The following LEAP2 variants were observed in gnomAD, a reference collection of about 807,000 sequenced individuals.
The protein encoded by LEAP2 is liver enriched antimicrobial peptide 2.
In LEAP2, 13 loss-of-function variants were observed where a neutral mutation model predicts 9.3. That is an observed-to-expected ratio of 1.39 (90% CI 0.91 to 2.21). The LOEUF is 2.21. Ranked by LOEUF, LEAP2 falls within the 30% of genes most tolerant of loss-of-function variation. LEAP2 has a pLI of 0.00. For missense variants in LEAP2, 98 were observed against 94.0 expected (o/e 1.04, Z -0.17); for synonymous variants, 34 against 34.9 (o/e 0.98, Z 0.09).
rs1216480313 is a variant in LEAP2, at chr5:132,874,751, T to C, written c.*305T>C. ...GAGGGAAAGAAGGATTCATTTTGTA[T>C]ACTAAAGAAAAAAACAGCATTGCCC... On this transcript the variant is annotated 3_prime_UTR_variant, in exon 3 of 3. Coordinates refer to ENST00000296877, the MANE Select transcript of LEAP2 (RefSeq NM_052971.3). 1 of 484,212 alleles carries C rather than the reference T, an allele frequency of 2.1e-6. No homozygotes were observed. Among genetic ancestry groups the C allele is most frequent in the Non-Finnish European group, 3.8e-6 (1 of 265,602 alleles). 30.0% of individuals were successfully genotyped at this position (484,212 alleles called of 1,614,324 possible).
Position 132,874,461 on chromosome 5 carries a change from A to C in LEAP2, c.*15A>C. ...CCCAGGAATGATGTACATACCAGGGAAAGAAAGGACAGCAGTCACCTCCGA... is the reference window on the plus strand; with the variant it reads ...CCCAGGAATGATGTACATACCAGGGCAAGAAAGGACAGCAGTCACCTCCGA... On this transcript the variant is annotated 3_prime_UTR_variant, in exon 3 of 3. Transcript: ENST00000296877. 6 of 1,611,274 alleles carry C rather than the reference A, an allele frequency of 3.7e-6. No individual in the cohort carries two copies. Among genetic ancestry groups the C allele is most frequent in the Non-Finnish European group, 5.1e-6 (6 of 1,177,422 alleles).
chr5:132,874,416 A>C lies in LEAP2; in HGVS notation c.204A>C (p.Arg68Ser), dbSNP rs1304676708. 1 of 1,613,758 alleles carries C rather than the reference A, an allele frequency of 6.2e-7. No homozygotes were observed. The highest frequency in any genetic ancestry group is 8.5e-7 in the Non-Finnish European group (1 of 1,179,772). ...SECITRLCRKRRCSLSVAQE is the reference protein window; with the variant it reads ...SECITRLCRKSRCSLSVAQE ...ACCCTTTCTTTTCCCCTAGAAAAAG[A>C]CGCTGTTCCTTAAGTGTGGCCCAGG... is the stretch of plus-strand genomic sequence containing the variant. Residue 68 changes from arginine to serine, a missense_variant, in exon 3 of 3, where the codon AGA becomes AGC. Physicochemically the swap from Arg to Ser is moderately radical, Grantham distance 110. Transcript: ENST00000296877.
Position 132,874,624 on chromosome 5 carries a change from A to G in LEAP2, c.*178A>G. ...CCATTTCTTCTTAGAATGTTGATAT[A>G]TGGATAAGCATAACTAAACTTGTCA... On this transcript the variant is annotated 3_prime_UTR_variant, in exon 3 of 3. Transcript: ENST00000296877. The G allele has an allele frequency of 1.4e-6, 1 of 697,122 alleles. No homozygotes were observed. The highest frequency in any genetic ancestry group is 2.6e-6 in the Non-Finnish European group (1 of 381,514). The allele number at this position is 697,122 out of a possible 1,614,324, so 43.2% of individuals were successfully genotyped here.
chr5:132,874,171 C>G (rs1465006782), intron 2 of LEAP2, 82 bp downstream of exon 2: 14 of 1,439,018 alleles, frequency 9.7e-6, no homozygotes, highest in Non-Finnish European at 6.7e-6. Context: ...ACACATGAAC[C>G]TAAGAATAAA....
At chr5:132,874,181 A>T in intron 2 of LEAP2, 92 bp downstream of exon 2, 2 of 1,391,110 alleles carry the variant, frequency 1.4e-6, no homozygotes, top group African/African-American at 2.9e-5. Context: ...CTAAGAATAA[A>T]GCTGGGATGG....
intron 2 of LEAP2, 86 bp from the exon 3 acceptor site, chr5:132,874,324 C>T: frequency 8.2e-7 from 1 of 1,224,746 alleles, no homozygotes; most frequent in South Asian, 1.2e-5. Context: ...CTGGACAGAT[C>T]AAGCAAAGAG....
chr5:132,874,096 C>T lies in LEAP2; in HGVS notation c.197+7C>T. ...GTATCACAAGGCTATGCAGGTACTC[C>T]CTGAACCTGGGAGCAGGGTTGGGCC... is the stretch of plus-strand genomic sequence containing the variant. On this transcript the variant is annotated splice_region_variant and intron_variant, in intron 2 of 2. Transcript: ENST00000296877. 1 of 1,609,358 alleles carries T rather than the reference C, an allele frequency of 6.2e-7. No homozygotes were observed. The highest frequency in any genetic ancestry group is 1.1e-5 in the South Asian group (1 of 90,876).
rs1759787065 is a variant in LEAP2 at position 132,874,392 on chromosome 5, C to A, written c.198-18C>A. ...TCCTAGACCCAGTCTTAAAAAACTA[C>A]CCTTTCTTTTCCCCTAGAAAAAGAC... On this transcript the variant is annotated intron_variant, in intron 2 of 2. Transcript: ENST00000296877. 3 of 1,611,262 alleles carry A rather than the reference C, an allele frequency of 1.9e-6. No individual in the cohort carries two copies. Among genetic ancestry groups the A allele is most frequent in the South Asian group, 2.2e-5 (2 of 91,050 alleles).
Position 132,874,098 on chromosome 5 carries a change from T to G in LEAP2, c.197+9T>G, listed in dbSNP as rs750384221. Reference sequence around the variant, plus strand: ...ATCACAAGGCTATGCAGGTACTCCCTGAACCTGGGAGCAGGGTTGGGCCAG... The same window carrying G: ...ATCACAAGGCTATGCAGGTACTCCCGGAACCTGGGAGCAGGGTTGGGCCAG... On this transcript the variant is annotated intron_variant, in intron 2 of 2. Transcript: ENST00000296877. 1 of 1,608,998 alleles carries G rather than the reference T, an allele frequency of 6.2e-7. No individual in the cohort carries two copies. The highest frequency in any genetic ancestry group is 1.1e-5 in the South Asian group (1 of 90,844).
Position 132,874,010 on chromosome 5 carries a change from C to T in LEAP2, c.118C>T (p.Pro40Ser). ...AAAGAGAAGGCCACGGAGAATGACC[C>T]CATTTTGGAGAGGGGTTTCCCTCAG... Reference protein sequence around the residue: ...SAKRRPRRMTPFWRGVSLRPI... With the variant: ...SAKRRPRRMTSFWRGVSLRPI... The change falls in exon 2 of 3, where the codon CCA (proline) becomes TCA (serine). Residue 40 changes from proline (P) to serine (S), a missense_variant. Transcript: ENST00000296877. 1 of 1,614,104 alleles carries T rather than the reference C, an allele frequency of 6.2e-7. No homozygotes were observed. Among genetic ancestry groups the T allele is most frequent in the Non-Finnish European group, 8.5e-7 (1 of 1,180,008 alleles).
intron 2 of LEAP2, 142 bp from the exon 3 acceptor site, chr5:132,874,268 T>C (rs1759784997): frequency 1.0e-6 from 1 of 956,288 alleles, no homozygotes; most frequent in East Asian, 2.4e-5. Flanking sequence ...TCTATGTGGG[T>C]ACCATGAAAG....
intron 1 of LEAP2, 52 bp downstream of exon 1, chr5:132,873,803 G>T: frequency 6.3e-7 from 1 of 1,585,604 alleles, no homozygotes; most frequent in Non-Finnish European, 8.7e-7. Context: ...AGATGATAGT[G>T]GTGGTGGAAC....
intron 2 of LEAP2, 95 bp from the exon 3 acceptor site, chr5:132,874,315 T>C (rs1759785812): frequency 6.0e-6 from 7 of 1,169,540 alleles, no homozygotes; most frequent in Non-Finnish European, 7.7e-6. Context: ...TTCCTGAGAC[T>C]GGACAGATCA....
At chr5:132,874,295 T>C in intron 2 of LEAP2, 115 bp from the exon 3 acceptor site, 1 of 1,061,560 alleles carries the variant, frequency 9.4e-7, no homozygotes, top group African/African-American at 1.6e-5. Context: ...GCCTTTCCAT[T>C]CTTCAGTCTT....
rs1411130380 is a variant in LEAP2 at position 132,873,706 on chromosome 5, C to CA, written c.15dup (p.Leu6ThrfsTer52). 1 of 1,614,094 alleles carries CA rather than the reference C, an allele frequency of 6.2e-7. No individual in the cohort carries two copies. Among genetic ancestry groups the CA allele is most frequent in the Admixed American group, 1.7e-5 (1 of 60,028 alleles). On this transcript the variant is annotated frameshift_variant, in exon 1 of 3. Coordinates refer to ENST00000296877, the MANE Select transcript of LEAP2 (RefSeq NM_052971.3). LOFTEE classifies it high-confidence loss of function. ...CTCCCCCTGTCAAGATGTGGCACCTCAAACTTTGTGCAGTCCTCATGATCT... is the reference window on the plus strand; with the variant it reads ...CTCCCCCTGTCAAGATGTGGCACCTCAAAACTTTGTGCAGTCCTCATGATCT...
chr5:132,873,762 A>G lies in LEAP2; in HGVS notation c.57+11A>G, dbSNP rs750830807. The G allele has an allele frequency of 1.2e-6, 2 of 1,611,780 alleles. No individual in the cohort carries two copies. Among genetic ancestry groups the G allele is most frequent in the Admixed American group, 3.3e-5 (2 of 59,984 alleles). ...TTGCTGTTGGGCCAGGTAAGGAGGG[A>G]AGGATACTTATGTGTGTGTGTGGAG... On this transcript the variant is annotated intron_variant, in intron 1 of 2. Transcript: ENST00000296877.
intron 2 of LEAP2, 96 bp downstream of exon 2, chr5:132,874,185 G>A (rs1022496853): frequency 1.5e-6 from 2 of 1,354,696 alleles, no homozygotes; most frequent in Non-Finnish European, 2.0e-6. Context: ...GAATAAAGCT[G>A]GGATGGAGGA....
In LEAP2 at chr5:132,873,750, A is replaced by C; in HGVS notation, c.56A>C (p.Gln19Pro). 2 of 1,613,308 alleles carry C rather than the reference A, an allele frequency of 1.2e-6. No homozygotes were observed. Among genetic ancestry groups the C allele is most frequent in the Non-Finnish European group, 1.7e-6 (2 of 1,179,296 alleles). Residue 19 changes from glutamine to proline, a missense_variant and splice_region_variant, in exon 1 of 3, where the codon CAG becomes CCG. By Grantham distance (76) the Gln-to-Pro change is moderately conservative. Transcript: ENST00000296877. ...VLMIFLLLLG[Q>P]IDGSPIPEVS... ...ATGATCTTCCTGTTGCTGTTGGGCC[A>C]GGTAAGGAGGGAAGGATACTTATGT...
In LEAP2 at chr5:132,873,954, A is replaced by ATGGC; in HGVS notation, c.64_67dup (p.Ser23TrpfsTer36). 1 of 1,614,124 alleles carries ATGGC rather than the reference A, an allele frequency of 6.2e-7. No homozygotes were observed. The highest frequency in any genetic ancestry group is 8.5e-7 in the Non-Finnish European group (1 of 1,179,966). ...TGAATGTCTTTGCCCTTACAGATAG[A>ATGGC]TGGCTCCCCAATACCAGAAGTGAGT... On this transcript the variant is annotated frameshift_variant, in exon 2 of 3. Coordinates refer to ENST00000296877, the MANE Select transcript of LEAP2 (RefSeq NM_052971.3). LOFTEE classifies it high-confidence loss of function.
Sources: allele counts gnomAD v4.1 joint callset, GRCh38; gene constraint gnomAD v4.1.1; transcripts MANE v1.5; gene names NCBI Gene and HGNC (gene_info 2026-07-23, HGNC 2026-07-21).